IFT122: variants seen among roughly 807,000 people sequenced by gnomAD.
The protein encoded by IFT122 is intraflagellar transport protein 122 homolog.
Under a neutral mutation model 161.6 loss-of-function variants are expected in IFT122, and 118 were observed. The ratio of observed to expected loss-of-function variants is 0.73; its 90% CI spans 0.63 to 0.85. The LOEUF is 0.85. IFT122 is among the 40% of genes least tolerant of loss of function. The pLI, the probability that IFT122 is intolerant of heterozygous loss-of-function variation, is 0.00. For missense variants in IFT122, 1,381 were observed against 1,579.6 expected, an observed-to-expected ratio of 0.87 and a Z score of 2.13; for synonymous variants, 550 against 602.4, an observed-to-expected ratio of 0.91 and a Z score of 1.27.
intron 25 of IFT122, chr3:129,514,890 C>G (rs984393665): frequency 1.0e-4 from 46 of 458,580 alleles, no homozygotes; most frequent in Non-Finnish European, 1.7e-4. Flanking sequence ...AGAGCTGACT[C>G]TTACTCTAGA....
rs145911209 is a variant in IFT122 at position 129,489,564 on chromosome 3, C to T, written c.1992+1167C>T. 9.2e-5 allele frequency among the ~76,000 whole-genome samples: 14 copies of T among 152,190 alleles called. No homozygotes were observed. The South Asian group carries it at 1.0e-3, about 11-fold the overall frequency. On this transcript the variant is annotated intron_variant, in intron 16 of 29. Coordinates refer to ENST00000348417, the MANE Select transcript of IFT122 (RefSeq NM_052989.3). ...GTAAGAATTCAGAGGAGGGGCCAGG[C>T]GCGGTGGCTCACGCCTGTAAATCCT...
At chr3:129,442,118 G>A (rs944026434) in intron 1 of IFT122, among the ~76,000 whole-genome samples, 1 of 152,100 alleles carries the variant, frequency 6.6e-6, no homozygotes, top group African/African-American at 2.4e-5. Flanking sequence ...AAAACACCGT[G>A]TGGGCCAAAT....
intron 3 of IFT122, among the ~76,000 whole-genome samples, chr3:129,453,613 C>T (rs2075111757): frequency 6.6e-6 from 1 of 152,048 alleles, no homozygotes; most frequent in African/African-American, 2.4e-5. Flanking sequence ...AGTAGGAGGG[C>T]AAGGGAGCAG....
rs1273121852 is a variant in IFT122, at chr3:129,512,345, C to G, written c.2920C>G (p.Leu974Val). 6.2e-7 allele frequency: 1 copy of G among 1,614,140 alleles called. No homozygotes were observed. Among genetic ancestry groups the G allele is most frequent in the South Asian group, 1.1e-5 (1 of 91,086 alleles). Residue 974 changes from leucine to valine, a missense_variant, in exon 24 of 30, where the codon CTT (leucine) becomes GTT (valine). Leu to Val is a conservative substitution (Grantham distance 32). This residue lies in a region of IFT122 where 496 missense variants were observed against 502.5 expected (regional missense o/e 0.99). Coordinates refer to ENST00000348417, the MANE Select transcript of IFT122 (RefSeq NM_052989.3). Reference protein sequence around the residue: ...DPFSVHRPETLFNISRFLLHS... With the variant: ...DPFSVHRPETVFNISRFLLHS... ...GTTCAGTGTCCATCGTCCTGAAACT[C>G]TTTTCAACATCTCCAGGTTCCTGCT...
At chr3:129,448,066 GTCC>G (rs1278610583) in intron 1 of IFT122, among the ~76,000 whole-genome samples, 4 of 152,052 alleles carry the variant, frequency 2.6e-5, no homozygotes, top group East Asian at 1.9e-4. Flanking sequence ...TTTACCCAGT[GTCC>G]TCCTCCATGT....
chr3:129,517,385 C>T, intron 26 of IFT122, 84 bp from the exon 27 acceptor site: 4 of 1,576,282 alleles, frequency 2.5e-6, no homozygotes, highest in Non-Finnish European at 3.5e-6. Context: ...GGTTGAGAAG[C>T]AACTCTGTGG....
intron 23 of IFT122, among the ~76,000 whole-genome samples, chr3:129,510,458 C>T (rs1229358573): frequency 6.6e-6 from 1 of 152,160 alleles, no homozygotes; most frequent in East Asian, 1.9e-4. Context: ...TTTCCTGAAA[C>T]GAGACCCCCT....
chr3:129,441,944 G>T (rs3138322), intron 1 of IFT122, among the ~76,000 whole-genome samples: 2 of 152,002 alleles, frequency 1.3e-5, no homozygotes, highest in Non-Finnish European at 2.9e-5. Context: ...GCTCATGCTC[G>T]GCCTAAAAGG....
intron 5 of IFT122, chr3:129,463,195 G>C (rs906461195): frequency 1.7e-5 from 4 of 240,968 alleles, no homozygotes; most frequent in Non-Finnish European, 3.3e-5. Flanking sequence ...ACTGAGACTG[G>C]CACAAAGTGT....
At chr3:129,518,382 C>G (rs1350746153) in intron 27 of IFT122, among the ~76,000 whole-genome samples, 1 of 152,224 alleles carries the variant, frequency 6.6e-6, no homozygotes, top group South Asian at 2.1e-4. Flanking sequence ...CCTGAGGCCT[C>G]GCTCCCTTGC....
chr3:129,517,060 C>CAG (rs1175995619), intron 26 of IFT122, among the ~76,000 whole-genome samples: 7,147 of 116,078 alleles, frequency 0.062, 519 homozygotes, highest in South Asian at 0.074. Context: ...CACACACACA[C>CAG]AGACTGCCCC....
At chr3:129,449,807 C>T (rs2107894869) in intron 1 of IFT122, 64 bp from the exon 2 acceptor site, 3 of 1,085,932 alleles carry the variant, frequency 2.8e-6, no homozygotes, top group Non-Finnish European at 4.3e-6. Flanking sequence ...GTTTACTTTC[C>T]TGGCCATTAG....
rs1179260710 is a variant in IFT122 at position 129,475,651 on chromosome 3, C to CA, written c.817-654dup. Among the ~76,000 whole-genome samples the CA allele has an allele frequency of 6.0e-5, 9 of 148,938 alleles. No individual in the cohort carries two copies. In the South Asian group the frequency reaches 1.3e-3, roughly 21 times the overall value. ...TGGGCAACAGAGTCAGACCCTTTTTCAAAAAAAAAATTTTTTGCCAGGCAT... is the reference window on the plus strand; with the variant it reads ...TGGGCAACAGAGTCAGACCCTTTTTCAAAAAAAAAAATTTTTTGCCAGGCAT... On this transcript the variant is annotated intron_variant, in intron 9 of 29. Coordinates refer to ENST00000348417, the MANE Select transcript of IFT122 (RefSeq NM_052989.3).
chr3:129,473,755 T>A (rs914942508), intron 9 of IFT122, among the ~76,000 whole-genome samples: 1 of 152,238 alleles, frequency 6.6e-6, no homozygotes, highest in African/African-American at 2.4e-5. Flanking sequence ...AATTCTATAC[T>A]CACCCAGCAT....
At chr3:129,509,055 G>A (rs762557451) in intron 23 of IFT122, among the ~76,000 whole-genome samples, 12 of 152,286 alleles carry the variant, frequency 7.9e-5, no homozygotes, top group Non-Finnish European at 1.5e-4. Flanking sequence ...TTGGCTTTGG[G>A]AACTGCTTTG....
intron 7 of IFT122, among the ~76,000 whole-genome samples, chr3:129,466,600 C>G: frequency 6.9e-6 from 1 of 145,474 alleles, no homozygotes; most frequent in Non-Finnish European, 1.5e-5. Context: ...CTCCCAGGTT[C>G]AAGCAATCCT....
At chr3:129,481,207 C>G (rs935015963) in intron 13 of IFT122, among the ~76,000 whole-genome samples, 1 of 152,208 alleles carries the variant, frequency 6.6e-6, no homozygotes, top group African/African-American at 2.4e-5. Flanking sequence ...CAGATCTCTG[C>G]TAGGTGGCAT....
At chr3:129,459,006 C>T (rs1000460799) in intron 4 of IFT122, among the ~76,000 whole-genome samples, 2 of 152,168 alleles carry the variant, frequency 1.3e-5, no homozygotes, top group Non-Finnish European at 2.9e-5. Flanking sequence ...CACCCAGTGT[C>T]AAATGTCAGA....
At chr3:129,488,097 G>A (rs2108401620) in intron 15 of IFT122, 160 bp from the exon 16 acceptor site, 2 of 1,093,018 alleles carry the variant, frequency 1.8e-6, no homozygotes, top group African/African-American at 3.1e-5. Flanking sequence ...CACACAGGGT[G>A]GGCTGGGCAG....
Sources: allele counts gnomAD v4.1 joint callset (sites outside exome capture counted in the v4.1 genomes callset), GRCh38; gene constraint gnomAD v4.1.1; regional missense constraint gnomAD v4.1.1; transcripts MANE v1.5; gene names NCBI Gene and HGNC (gene_info 2026-07-23, HGNC 2026-07-21).